NLGN4Y: variants seen among roughly 807,000 people sequenced by gnomAD.
NLGN4Y encodes the protein neuroligin-4, Y-linked.
Under a neutral mutation model 8.4 loss-of-function variants are expected in NLGN4Y, and 4 were observed. That is an observed-to-expected ratio of 0.48 (90% confidence interval 0.23 to 1.09). The LOEUF (loss-of-function observed/expected upper bound fraction) is 1.09. NLGN4Y is among the 50% of genes least tolerant of loss of function. The pLI is 0.19. For missense variants in NLGN4Y, 90 were observed against 192.3 expected, an observed-to-expected ratio of 0.47 and a Z score of 3.15; for synonymous variants, 35 against 75.6, an observed-to-expected ratio of 0.46 and a Z score of 2.78.
chrY:14,824,890 G>A, intron 5 of NLGN4Y, among the ~76,000 whole-genome samples: 1 of 33,062 alleles, frequency 3.0e-5, no homozygotes, highest in African/African-American at 1.2e-4. Context: ...TTAGAAGGGC[G>A]GACACTATTG....
intron 2 of NLGN4Y, among the ~76,000 whole-genome samples, chrY:14,702,333 C>G: frequency 3.2e-5 from 1 of 31,336 alleles, no homozygotes; most frequent in Non-Finnish European, 7.7e-5. Context: ...CCACAACAGG[C>G]CCCAGTGTGT....
chrY:14,570,858 T>A (rs2080266816), intron 1 of NLGN4Y, among the ~76,000 whole-genome samples: 1 of 29,519 alleles, frequency 3.4e-5, no homozygotes, highest in Admixed American at 3.3e-4. Context: ...TGGTTTTTTG[T>A]CCTTGAGATA....
At chrY:14,760,020 C>T in intron 4 of NLGN4Y, among the ~76,000 whole-genome samples, 1 of 32,912 alleles carries the variant, frequency 3.0e-5, no homozygotes, top group Non-Finnish European at 7.4e-5. Context: ...AAATAAGACA[C>T]GATGTATATA....
intron 2 of NLGN4Y, among the ~76,000 whole-genome samples, chrY:14,627,795 C>T (rs369033355): frequency 0.026 from 897 of 34,389 alleles, no homozygotes; most frequent in Middle Eastern, 0.096. Flanking sequence ...CTGGAATGGA[C>T]GCCGAGGCCT....
chrY:14,818,729 A>G, intron 4 of NLGN4Y, among the ~76,000 whole-genome samples: 1 of 32,857 alleles, frequency 3.0e-5, no homozygotes, highest in Non-Finnish European at 7.5e-5. Flanking sequence ...CACACTAATA[A>G]CAACCCCTAC....
intron 1 of NLGN4Y, among the ~76,000 whole-genome samples, chrY:14,585,120 TG>T (rs2080335294): frequency 3.0e-5 from 1 of 33,543 alleles, no homozygotes; most frequent in Non-Finnish European, 7.3e-5. Context: ...ACATTGATAA[TG>T]GAAGAAAATA....
At chrY:14,653,349 A>C in intron 2 of NLGN4Y, among the ~76,000 whole-genome samples, 1 of 31,063 alleles carries the variant, frequency 3.2e-5, no homozygotes, top group Admixed American at 3.0e-4. Flanking sequence ...ACCGGATCAC[A>C]CATGTCAGTT....
chrY:14,553,688 A>T (rs905535874), intron 1 of NLGN4Y, among the ~76,000 whole-genome samples: 4 of 30,820 alleles, frequency 1.3e-4, no homozygotes, highest in Non-Finnish European at 2.3e-4. Context: ...ATTCATATAT[A>T]AAAATATATA....
intron 1 of NLGN4Y, among the ~76,000 whole-genome samples, chrY:14,587,865 G>A: frequency 6.0e-5 from 2 of 33,174 alleles, no homozygotes; most frequent in Non-Finnish European, 1.5e-4. Context: ...CTCTCTCTAC[G>A]TGTCTAAAAT....
intron 1 of NLGN4Y, among the ~76,000 whole-genome samples, chrY:14,605,808 A>G: frequency 2.9e-5 from 1 of 34,028 alleles, no homozygotes; most frequent in South Asian, 6.5e-4. Context: ...GAACTCTTTA[A>G]GATATGACAA....
chrY:14,755,877 T>C (rs2150567817), intron 4 of NLGN4Y, among the ~76,000 whole-genome samples: 1 of 33,426 alleles, frequency 3.0e-5, no homozygotes, highest in South Asian at 6.6e-4. Flanking sequence ...ATAAAATTAT[T>C]CCATTTTCTT....
chrY:14,789,167 G>A (rs2042978252), intron 4 of NLGN4Y, among the ~76,000 whole-genome samples: 1 of 30,833 alleles, frequency 3.2e-5, no homozygotes, highest in African/African-American at 1.3e-4. Context: ...ATGAGGTTTC[G>A]CCATGTTGGT....
intron 1 of NLGN4Y, among the ~76,000 whole-genome samples, chrY:14,605,754 A>T (rs2150500197): frequency 3.0e-5 from 1 of 33,662 alleles, no homozygotes; most frequent in Non-Finnish European, 7.3e-5. Context: ...TTGAAATGAG[A>T]TTTGATTTCT....
At chrY:14,618,936 T>G (rs973470421) in intron 1 of NLGN4Y, among the ~76,000 whole-genome samples, 1 of 33,811 alleles carries the variant, frequency 3.0e-5, no homozygotes, top group Non-Finnish European at 7.3e-5. Context: ...TTGCTAAATT[T>G]CAAAAAATGA....
chrY:14,553,841 C>T (rs2080203133), intron 1 of NLGN4Y, among the ~76,000 whole-genome samples: 6 of 31,667 alleles, frequency 1.9e-4, no homozygotes, highest in Non-Finnish European at 3.8e-4. Context: ...AGCTCTGACA[C>T]TCATTAGAGC....
chrY:14,804,949 G>A, intron 4 of NLGN4Y, among the ~76,000 whole-genome samples: 1 of 33,507 alleles, frequency 3.0e-5, no homozygotes, highest in South Asian at 6.7e-4. Context: ...GCTTTGCTAG[G>A]TTGCCTGCAA....
chrY:14,766,563 C>G (rs2081093865), intron 4 of NLGN4Y, among the ~76,000 whole-genome samples: 1 of 33,199 alleles, frequency 3.0e-5, no homozygotes, highest in Non-Finnish European at 7.5e-5. Context: ...AACCATATGA[C>G]TATCCACCTG....
At chrY:14,588,640 T>A (rs2080349091) in intron 1 of NLGN4Y, among the ~76,000 whole-genome samples, 1 of 33,815 alleles carries the variant, frequency 3.0e-5, no homozygotes, top group African/African-American at 1.2e-4. Flanking sequence ...TATATTCATA[T>A]ACTCTTGTAC....
intron 1 of NLGN4Y, among the ~76,000 whole-genome samples, chrY:14,604,216 G>A (rs2080438769): frequency 3.0e-5 from 1 of 32,980 alleles, no homozygotes; most frequent in African/African-American, 1.2e-4. Flanking sequence ...TAGGCATTGG[G>A]CCCTCACCAT....
Sources: allele counts gnomAD v4.1 joint callset (sites outside exome capture counted in the v4.1 genomes callset), GRCh38; gene constraint gnomAD v4.1.1; transcripts MANE v1.5; gene names NCBI Gene and HGNC (gene_info 2026-07-23, HGNC 2026-07-21).